The following ZC3H7A variants were observed in gnomAD, a reference collection of about 807,000 sequenced individuals.
The protein encoded by ZC3H7A is zinc finger CCCH domain-containing protein 7A.
In ZC3H7A, 44 loss-of-function variants were observed where a neutral mutation model predicts 125.5. That is an observed-to-expected ratio of 0.35 (90% CI 0.28 to 0.45). The LOEUF is 0.45. ZC3H7A is among the 20% of genes least tolerant of loss of function. The pLI is 1.00. For missense variants in ZC3H7A, 977 were observed against 1,170.7 expected (o/e 0.83, Z 2.41); for synonymous variants, 399 against 391.2 (o/e 1.02, Z -0.23).
intron 3 of ZC3H7A, 127 bp downstream of exon 3, chr16:11,781,283 AAAAATAAAATAAAAT>A (rs372902984): frequency 8.3e-6 from 6 of 722,986 alleles, no homozygotes; most frequent in Admixed American, 2.8e-5. Context: ...TTATTTGCAA[AAAAATAAAATAAAAT>A]AAAATAAAAT....
intron 1 of ZC3H7A, among the ~76,000 whole-genome samples, chr16:11,785,412 A>AGCC (rs1385669207): frequency 6.6e-6 from 1 of 151,894 alleles, no homozygotes; most frequent in Non-Finnish European, 1.5e-5. Context: ...TGATGGAGGC[A>AGCC]GGAGGATGGC....
intron 22 of ZC3H7A, 107 bp from the exon 23 acceptor site, chr16:11,751,613 T>A: frequency 8.8e-7 from 1 of 1,139,636 alleles, no homozygotes; most frequent in Non-Finnish European, 1.2e-6. Flanking sequence ...TGCATACAAC[T>A]TTTAGTTAGG....
At chr16:11,786,702 T>G (rs1266687581) in intron 1 of ZC3H7A, among the ~76,000 whole-genome samples, 1 of 152,184 alleles carries the variant, frequency 6.6e-6, no homozygotes, top group Non-Finnish European at 1.5e-5. Context: ...TGACAGAGTA[T>G]TTCATGTTCA....
At position 11,765,009 on chromosome 16, in the gene ZC3H7A, A is replaced by T. The variant is rs2052830386; in HGVS notation, c.1820+44T>A. ...CTAGTTTTTATTCAGATCTAGAAAA[A>T]GAATCTATTTTGTCATTACAGAAAT... On this transcript the variant is annotated intron_variant, in intron 15 of 22. Coordinates refer to ENST00000355758, the MANE Select transcript of ZC3H7A (RefSeq NM_014153.4). This position sits in a 1 kb window ranked among gnomAD's most constrained non-coding sequence, Gnocchi z 4.8. The T allele has an allele frequency of 6.8e-6, 9 of 1,324,844 alleles. No individual in the cohort carries two copies. Among genetic ancestry groups the T allele is most frequent in the Non-Finnish European group, 5.2e-6 (5 of 952,628 alleles). 82.1% of individuals were successfully genotyped at this position (1,324,844 alleles called of 1,614,324 possible). A position where few individuals can be genotyped will look rare whatever the true frequency, so the allele number is the denominator to read the frequency against.
chr16:11,761,325 G>A (rs2052749031), intron 19 of ZC3H7A, 81 bp downstream of exon 19: 3 of 1,326,546 alleles, frequency 2.3e-6, no homozygotes. Flanking sequence ...AAGGGCTTGA[G>A]TTTCAATCTG....
At chr16:11,759,416 G>A (rs531127701) in intron 19 of ZC3H7A, 17 of 152,242 alleles carry the variant, frequency 1.1e-4, no homozygotes, top group African/African-American at 4.1e-4. Flanking sequence ...GCTAAAACTC[G>A]CTCAGCCCCC....
At chr16:11,780,755 C>A (rs1390769434) in intron 3 of ZC3H7A, among the ~76,000 whole-genome samples, 2 of 152,040 alleles carry the variant, frequency 1.3e-5, no homozygotes, top group Non-Finnish European at 2.9e-5. Context: ...CATTTAGAAG[C>A]CTCAAAACCC....
chr16:11,783,662 C>T (rs569254878), intron 1 of ZC3H7A, among the ~76,000 whole-genome samples: 27 of 152,330 alleles, frequency 1.8e-4, no homozygotes, highest in African/African-American at 6.5e-4. Flanking sequence ...ACATCTTACA[C>T]ATAAACCACG....
chr16:11,772,452 GCTCT>G (rs1567383852), intron 9 of ZC3H7A, among the ~76,000 whole-genome samples: 1 of 151,700 alleles, frequency 6.6e-6, no homozygotes, highest in Non-Finnish European at 1.5e-5. Context: ...TCTTAAAACA[GCTCT>G]CTCAGATACA....
chr16:11,763,990 T>G (rs1381117554), intron 15 of ZC3H7A, among the ~76,000 whole-genome samples: 4 of 149,472 alleles, frequency 2.7e-5, no homozygotes, highest in Non-Finnish European at 5.9e-5. Flanking sequence ...GAGACGGGGT[T>G]TCACCGTGTT....
At chr16:11,774,164 A>G in intron 9 of ZC3H7A, 72 bp downstream of exon 9, 1 of 1,393,538 alleles carries the variant, frequency 7.2e-7, no homozygotes, top group East Asian at 2.5e-5. Context: ...GAAAAAGTCT[A>G]TCAAGTTATA....
At chr16:11,764,484 G>A (rs746932343) in intron 15 of ZC3H7A, among the ~76,000 whole-genome samples, 18 of 152,116 alleles carry the variant, frequency 1.2e-4, no homozygotes, top group South Asian at 4.2e-4. Context: ...GGGAGGCGGA[G>A]GTTGCAGTGA....
At chr16:11,790,400 G>A (rs748789795) in intron 1 of ZC3H7A, among the ~76,000 whole-genome samples, 71 of 152,156 alleles carry the variant, frequency 4.7e-4, no homozygotes, top group Admixed American at 2.0e-3. Context: ...TTTTCTTCCA[G>A]GCTGAGCTTT....
chr16:11,791,088 AACACACACACACACACACACAC>A (rs34972921), intron 1 of ZC3H7A, among the ~76,000 whole-genome samples: 1 of 136,014 alleles, frequency 7.4e-6, no homozygotes, highest in Admixed American at 7.4e-5. Context: ...AAATTTTTAA[AACACACACACACACACACACAC>A]ACACACACAC....
intron 9 of ZC3H7A, among the ~76,000 whole-genome samples, chr16:11,772,132 T>C (rs2052994694): frequency 6.6e-6 from 1 of 150,888 alleles, no homozygotes; most frequent in African/African-American, 2.4e-5. Flanking sequence ...GAGGTGGAGG[T>C]TGCAGTGAGC....
At chr16:11,760,122 G>GAAAAAAAAAAAAAAGAA (rs2052723049) in intron 19 of ZC3H7A, among the ~76,000 whole-genome samples, 1 of 82,528 alleles carries the variant, frequency 1.2e-5, no homozygotes, top group African/African-American at 5.4e-5. Context: ...AAGAAAAAAT[G>GAAAAAAAAAAAAAAGAA]AAAAAAAAAA....
intron 2 of ZC3H7A, among the ~76,000 whole-genome samples, 187 bp from the exon 3 acceptor site, chr16:11,781,651 C>CATATATATATATAT (rs3972315): frequency 2.3e-4 from 34 of 145,036 alleles, no homozygotes; most frequent in African/African-American, 8.5e-4. Flanking sequence ...AATACATATA[C>CATATATATATATAT]ATATATATAT....
Position 11,762,708 on chromosome 16 carries a change from T to A in ZC3H7A, c.2042A>T (p.Tyr681Phe). The A allele has an allele frequency of 6.2e-7, 1 of 1,614,024 alleles. No individual in the cohort carries two copies. Among genetic ancestry groups the A allele is most frequent in the South Asian group, 1.1e-5 (1 of 91,088 alleles). The change falls in exon 17 of 23, where the codon TAT becomes TTT. Residue 681 changes from tyrosine to phenylalanine, a missense_variant. Around this residue, in one of 3 missense-constraint regions of ZC3H7A, gnomAD observed 436 missense variants for 603.2 expected, o/e 0.72. Transcript: ENST00000355758. ...TACATTTGCTTCCAAATTCTGCCAA[T>A]ATCGTTTAGACTCTTGAGCAATAGC... ...HDAIAQESKRYWQNLEANVPG... is the reference protein window; with the variant it reads ...HDAIAQESKRFWQNLEANVPG...
chr16:11,779,486 A>G (rs2053138172), intron 3 of ZC3H7A, 123 bp from the exon 4 acceptor site: 1 of 799,450 alleles, frequency 1.3e-6, no homozygotes, highest in Admixed American at 3.0e-5. Context: ...CATTGCTCTA[A>G]GAAATTGTGA....
Sources: gnomAD v4.1 joint callset for allele counts (sites outside exome capture counted in the v4.1 genomes callset) on GRCh38, gnomAD v4.1.1 for gene constraint, gnomAD v4.1.1 regional missense constraint, Gnocchi (gnomAD v3.1) non-coding constraint, MANE v1.5 for transcripts, NCBI Gene and HGNC (gene_info 2026-07-23, HGNC 2026-07-21) for gene names.